Variants in MEAK7 observed in about 807,000 individuals in gnomAD.
The protein encoded by MEAK7 is MTOR-associated protein MEAK7.
A neutral mutation model predicts 40.5 loss-of-function variants in MEAK7; 68 were observed. The observed-to-expected ratio is 1.68, with a 90% CI of 1.38 to 2.06. The LOEUF is 2.06. Among genes scored for constraint, MEAK7 ranks in the 30% most tolerant of loss-of-function variants. The probability of loss-of-function intolerance (pLI) is 0.00; values close to 1 mark genes in which losing one functional copy is unlikely to be tolerated. For missense variants in MEAK7, 918 were observed against 580.5 expected, an observed-to-expected ratio of 1.58 and a Z score of -5.98; for synonymous variants, 338 against 231.9, an observed-to-expected ratio of 1.46 and a Z score of -4.16.
chr16:84,486,707 AG>A lies in MEAK7; in HGVS notation c.881del (p.Ala294ValfsTer21), dbSNP rs1462122074. ...CATGCTTGTCATGGTCCTCGAGGAC[AG>A]CCACACAGGGTCCCCGGTGAGTGAT... ...GHITHRGPCV[A>X]VLEDHDKHVF... On this transcript the variant is annotated frameshift_variant, in exon 5 of 8. Coordinates refer to ENST00000343629, the MANE Select transcript of MEAK7 (RefSeq NM_020947.4). LOFTEE classifies it high-confidence loss of function. 6.2e-7 allele frequency: 1 copy of A among 1,613,938 alleles called. No homozygotes were observed. Among genetic ancestry groups the A allele is most frequent in the Non-Finnish European group, 8.5e-7 (1 of 1,179,900 alleles).
intron 6 of MEAK7, among the ~76,000 whole-genome samples, chr16:84,481,502 G>A (rs1222380475): frequency 6.6e-6 from 1 of 152,186 alleles, no homozygotes. Flanking sequence ...GGTGCCAGGT[G>A]TTCTAGGTGG....
intron 3 of MEAK7, 92 bp downstream of exon 3, chr16:84,495,591 T>C: frequency 8.1e-7 from 1 of 1,240,044 alleles, no homozygotes; most frequent in Non-Finnish European, 1.2e-6. Context: ...TTTGGTTTAC[T>C]CCTCCATGTG....
At chr16:84,481,206 G>C (rs1267686223) in intron 6 of MEAK7, among the ~76,000 whole-genome samples, 8 of 152,194 alleles carry the variant, frequency 5.3e-5, no homozygotes, top group Admixed American at 5.2e-4. Flanking sequence ...GGCAGACCCG[G>C]AGGCGGATGC....
rs371407199 is a variant in MEAK7 at position 84,495,821 on chromosome 16, G to C, written c.246C>G (p.Pro82=). The C allele has an allele frequency of 1.6e-5, 26 of 1,613,958 alleles. No individual in the cohort carries two copies. In the South Asian group the frequency reaches 2.9e-4, roughly 18 times the overall value. Reference sequence around the variant, plus strand: ...ACTGCTCCTGGGACACGTTCTCACTGGGTCCCTTCGCCTTCCCTGTCAGGT... The same window carrying C: ...ACTGCTCCTGGGACACGTTCTCACTCGGTCCCTTCGCCTTCCCTGTCAGGT... The part of the protein sequence containing the change: ...RVDLTGKAKG[P]SENVSQEQFT... The change falls in exon 3 of 8, where the codon CCC becomes CCG. Residue 82 remains proline, a synonymous_variant. Coordinates refer to ENST00000343629, the MANE Select transcript of MEAK7 (RefSeq NM_020947.4).
chr16:84,491,900 T>A (rs1392525521), intron 3 of MEAK7, among the ~76,000 whole-genome samples: 1 of 152,090 alleles, frequency 6.6e-6, no homozygotes, highest in African/African-American at 2.4e-5. Flanking sequence ...AAGGTTATCA[T>A]ATCCATGTAA....
At chr16:84,483,451 G>C (rs1912755321) in intron 5 of MEAK7, among the ~76,000 whole-genome samples, 1 of 152,220 alleles carries the variant, frequency 6.6e-6, no homozygotes, top group African/African-American at 2.4e-5. Context: ...CTCGACACCA[G>C]CATACACAAC....
intron 1 of MEAK7, among the ~76,000 whole-genome samples, chr16:84,500,338 G>A (rs1212596311): frequency 1.3e-5 from 2 of 152,150 alleles, no homozygotes; most frequent in Non-Finnish European, 2.9e-5. Context: ...GACTTGCTGG[G>A]TCACATGGTA....
chr16:84,489,588 T>C (rs1462858159), intron 3 of MEAK7, among the ~76,000 whole-genome samples, 166 bp from the exon 4 acceptor site: 1 of 152,226 alleles, frequency 6.6e-6, no homozygotes, highest in Non-Finnish European at 1.5e-5. Flanking sequence ...AATGATGCAC[T>C]TGGCTGGCCT....
At chr16:84,503,918 G>A in intron 1 of MEAK7, 4 of 985,030 alleles carry the variant, frequency 4.1e-6, no homozygotes, top group Non-Finnish European at 4.8e-6. Context: ...CTACTCCAAG[G>A]GCCCCGCATC....
intron 1 of MEAK7, among the ~76,000 whole-genome samples, chr16:84,500,339 T>C (rs1351701376): frequency 1.3e-5 from 2 of 152,122 alleles, no homozygotes; most frequent in African/African-American, 4.8e-5. Context: ...ACTTGCTGGG[T>C]CACATGGTAA....
At position 84,486,653 on chromosome 16, in the gene MEAK7, C is replaced by G. The variant is rs1156443134; in HGVS notation, c.936G>C (p.Trp312Cys). The G allele has an allele frequency of 1.2e-6, 2 of 1,610,698 alleles. No homozygotes were observed. Among genetic ancestry groups the G allele is most frequent in the South Asian group, 2.2e-5 (2 of 90,592 alleles). ...TACCTTGAAACTGAGGCTTCACCTC[C>G]CAAGAGCAAGAGGCAAACCCACCGA... ...HVFGGFASCS[W>C]EVKPQFQGDN... is the part of the protein sequence containing the mutation. Residue 312 changes from tryptophan (W) to cysteine (C), a missense_variant, in exon 5 of 8, where the codon TGG becomes TGC. Physicochemically the swap from Trp to Cys is radical, Grantham distance 215. Coordinates refer to ENST00000343629, the MANE Select transcript of MEAK7 (RefSeq NM_020947.4).
intron 6 of MEAK7, among the ~76,000 whole-genome samples, chr16:84,481,381 C>T (rs902470651): frequency 1.3e-5 from 2 of 152,218 alleles, no homozygotes; most frequent in Non-Finnish European, 2.9e-5. Context: ...AGAGTTGACA[C>T]GCGGAGCCGC....
intron 1 of MEAK7, among the ~76,000 whole-genome samples, chr16:84,499,440 G>A (rs1282030090): frequency 6.6e-6 from 1 of 152,120 alleles, no homozygotes; most frequent in Non-Finnish European, 1.5e-5. Flanking sequence ...ACTAGGGTGG[G>A]GCATGAGTCA....
rs1179716478 is a variant in MEAK7, at chr16:84,490,653, GATGTGTGTGTGTGT to G, written c.385-1245_385-1232del. On this transcript the variant is annotated intron_variant, in intron 3 of 7. Coordinates refer to ENST00000343629, the MANE Select transcript of MEAK7 (RefSeq NM_020947.4). ...GTCAGCTTAATTAAAAGCTAATCAA[GATGTGTGTGTGTGT>G]GTGTGTGTGTGTGTGTGTGTGTGTG... Among the ~76,000 whole-genome samples, 5 of 104,500 alleles carry G rather than the reference GATGTGTGTGTGTGT, an allele frequency of 4.8e-5. No homozygotes were observed. The East Asian group carries it at 7.4e-4, about 15-fold the overall frequency. 68.6% of individuals were successfully genotyped at this position (104,500 alleles called of 152,430 possible).
intron 5 of MEAK7, among the ~76,000 whole-genome samples, chr16:84,485,608 G>A (rs941890170): frequency 5.9e-5 from 9 of 152,242 alleles, no homozygotes; most frequent in Non-Finnish European, 1.2e-4. Context: ...GATGGGCGAC[G>A]CATCTGTAAA....
At chr16:84,488,735 G>C (rs1028596218) in intron 4 of MEAK7, among the ~76,000 whole-genome samples, 2 of 152,160 alleles carry the variant, frequency 1.3e-5, no homozygotes, top group African/African-American at 2.4e-5. Context: ...AGAAAATATT[G>C]AGATCAATGA....
rs1912315675 is a variant in MEAK7 at position 84,479,482 on chromosome 16, TTCCCTAATGCCAGC to T, written c.*417_*430del. On this transcript the variant is annotated 3_prime_UTR_variant, in exon 8 of 8. Coordinates refer to ENST00000343629, the MANE Select transcript of MEAK7 (RefSeq NM_020947.4). Reference sequence around the variant, plus strand: ...GCGGAATTCCCTAATGCCAGCGGAATTCCCTAATGCCAGCGGAATTCCCTAATGCCAGCGGAATT... The same window carrying T: ...GCGGAATTCCCTAATGCCAGCGGAATGGAATTCCCTAATGCCAGCGGAATT... 2 of 118,894 alleles carry T rather than the reference TTCCCTAATGCCAGC, an allele frequency of 1.7e-5. No homozygotes were observed. The highest frequency in any genetic ancestry group is 2.9e-4 in the South Asian group (1 of 3,496). The allele number at this position is 118,894 out of a possible 1,614,324, so 7.4% of individuals were successfully genotyped here. A position where few individuals can be genotyped will look rare whatever the true frequency, so the allele number is the denominator to read the frequency against.
chr16:84,483,867 C>T (rs1278998187), intron 5 of MEAK7, among the ~76,000 whole-genome samples: 1 of 152,104 alleles, frequency 6.6e-6, no homozygotes, highest in African/African-American at 2.4e-5. Flanking sequence ...TTGAGAGCAT[C>T]GGGTGGAGGA....
chr16:84,480,794 T>C, intron 6 of MEAK7, 86 bp from the exon 7 acceptor site: 1 of 1,449,812 alleles, frequency 6.9e-7, no homozygotes, highest in African/African-American at 1.4e-5. Flanking sequence ...CCTCTCGCCT[T>C]AAGTACCAGC....
Sources: allele counts gnomAD v4.1 joint callset (sites outside exome capture counted in the v4.1 genomes callset), GRCh38; gene constraint gnomAD v4.1.1; transcripts MANE v1.5; gene names NCBI Gene and HGNC (gene_info 2026-07-23, HGNC 2026-07-21).